Variants in FAM193A observed in about 807,000 individuals in gnomAD.
FAM193A encodes the protein protein FAM193A.
FAM193A carries 22 observed loss-of-function variants against 126.5 expected under a neutral mutation model. The observed-to-expected ratio is 0.17, with a 90% CI of 0.12 to 0.25. The LOEUF is 0.25. Ranked by LOEUF, FAM193A falls within the 10% of genes least tolerant of loss-of-function variation. The pLI is 1.00. For missense variants in FAM193A, 1,675 were observed against 1,672.8 expected (o/e 1.00, Z -0.02); for synonymous variants, 761 against 646.8 (o/e 1.18, Z -2.68).
intron 5 of FAM193A, 95 bp from the exon 6 acceptor site, chr4:2,639,640 G>A: frequency 1.1e-6 from 1 of 923,508 alleles, no homozygotes; most frequent in South Asian, 1.6e-5. Context: ...CGTGGTGGGG[G>A]GAAATGGGGA....
chr4:2,603,158 A>G (rs1301023234), intron 2 of FAM193A, among the ~76,000 whole-genome samples: 5 of 144,834 alleles, frequency 3.5e-5, no homozygotes, highest in Admixed American at 2.1e-4. Flanking sequence ...ATATATATGT[A>G]TATATATATA....
At chr4:2,618,632 G>C (rs1464866975) in intron 2 of FAM193A, among the ~76,000 whole-genome samples, 2 of 111,528 alleles carry the variant, frequency 1.8e-5, no homozygotes, top group African/African-American at 7.0e-5. Context: ...TTTTGCTCTT[G>C]TTGCCCAGGC....
chr4:2,601,744 A>C (rs2108920325), intron 2 of FAM193A, among the ~76,000 whole-genome samples: 1 of 152,190 alleles, frequency 6.6e-6, no homozygotes, highest in Admixed American at 6.5e-5. Context: ...AAAAATTATA[A>C]ACCAAAAAAA....
intron 1 of FAM193A, among the ~76,000 whole-genome samples, chr4:2,565,007 C>T (rs1335702219): frequency 6.6e-6 from 1 of 152,052 alleles, no homozygotes; most frequent in Non-Finnish European, 1.5e-5. Flanking sequence ...CTGTGTTACC[C>T]AGGCTGGTCT....
At chr4:2,679,506 A>G (rs767846859) in intron 13 of FAM193A, among the ~76,000 whole-genome samples, 16 of 149,270 alleles carry the variant, frequency 1.1e-4, no homozygotes, top group Non-Finnish European at 1.9e-4. Context: ...CAGCCTCCAG[A>G]GTAGCTGGGA....
chr4:2,560,690 C>T (rs1276996369), intron 1 of FAM193A, among the ~76,000 whole-genome samples: 2 of 152,192 alleles, frequency 1.3e-5, no homozygotes, highest in Non-Finnish European at 2.9e-5. Context: ...AGTACGTTAT[C>T]TTGAGGCTTC....
At chr4:2,571,301 C>G (rs917066562) in intron 1 of FAM193A, among the ~76,000 whole-genome samples, 1 of 152,138 alleles carries the variant, frequency 6.6e-6, no homozygotes, top group Non-Finnish European at 1.5e-5. Context: ...ATTATCCATT[C>G]TGAGCCCTGG....
chr4:2,581,258 T>TC (rs1340257332), intron 1 of FAM193A, among the ~76,000 whole-genome samples: 6 of 149,232 alleles, frequency 4.0e-5, no homozygotes, highest in Admixed American at 6.6e-5. Flanking sequence ...TTTCTTTCTT[T>TC]TTTTTTTTTT....
At chr4:2,660,669 C>T (rs189968737) in intron 10 of FAM193A, among the ~76,000 whole-genome samples, 28 of 152,358 alleles carry the variant, frequency 1.8e-4, no homozygotes, top group African/African-American at 6.3e-4. Context: ...GTAGAGCACA[C>T]AGGCATCATG....
chr4:2,724,814 A>C (rs919598824), intron 20 of FAM193A, among the ~76,000 whole-genome samples: 3 of 152,224 alleles, frequency 2.0e-5, no homozygotes, highest in Non-Finnish European at 4.4e-5. Flanking sequence ...GAGAAAGTGC[A>C]TATCGTTATC....
At chr4:2,726,949 C>G (rs1053030550) in intron 20 of FAM193A, among the ~76,000 whole-genome samples, 4 of 89,140 alleles carry the variant, frequency 4.5e-5, no homozygotes, top group Admixed American at 1.5e-4. Flanking sequence ...AAACTCCGTC[C>G]CAAAAAAAAA....
intron 5 of FAM193A, among the ~76,000 whole-genome samples, chr4:2,632,037 G>T (rs1482077710): frequency 6.6e-6 from 1 of 150,696 alleles, no homozygotes; most frequent in Non-Finnish European, 1.5e-5. Context: ...ATTTCTCATG[G>T]TTAGGAAGGC....
chr4:2,693,294 A>G lies in FAM193A; in HGVS notation c.2804-292A>G, dbSNP rs1716618351. Among the ~76,000 whole-genome samples the G allele has an allele frequency of 2.0e-5, 3 of 152,138 alleles. No individual in the cohort carries two copies. The South Asian group carries it at 6.2e-4, about 32-fold the overall frequency. On this transcript the variant is annotated intron_variant, in intron 15 of 20. Coordinates refer to ENST00000637812, the MANE Select transcript of FAM193A (RefSeq NM_001366318.2). The stretch of plus-strand genomic sequence containing the variant: ...CGGCCTCCCAAAGTGCTGGGATTAC[A>G]GGCATGAGCCACCACGCCCGGCCAA...
rs189994562 is a variant in FAM193A at position 2,711,068 on chromosome 4, G to A, written c.4373-4955G>A. 8.0e-3 allele frequency among the ~76,000 whole-genome samples: 1,198 copies of A among 150,258 alleles called. 24 individuals are homozygous for A. The highest frequency in any genetic ancestry group is 0.028 in the African/African-American group (1,149 of 40,894). ...GGGGTTTCACCATGTTAGCCAGGAT[G>A]GTCTCGATCTCCTGACCTTGTGATC... On this transcript the variant is annotated intron_variant, in intron 19 of 20. Coordinates refer to ENST00000637812, the MANE Select transcript of FAM193A (RefSeq NM_001366318.2).
At position 2,662,889 on chromosome 4, in the gene FAM193A, T is replaced by G; in HGVS notation, c.1797T>G (p.Ile599Met). Residue 599 changes from isoleucine (I) to methionine (M), a missense_variant, in exon 11 of 21, where the codon ATT (isoleucine) becomes ATG (methionine). Around this residue, in one of 4 missense-constraint regions of FAM193A, gnomAD observed 1,186 missense variants for 1,109.2 expected, o/e 1.07. Coordinates refer to ENST00000637812, the MANE Select transcript of FAM193A (RefSeq NM_001366318.2). Reference sequence around the variant, plus strand: ...CATTGTCAGCCAAATTTGCTGATATTTATCCATTGAGTAATTATGATGATA... The same window carrying G: ...CATTGTCAGCCAAATTTGCTGATATGTATCCATTGAGTAATTATGATGATA... ...VAPLSAKFAD[I>M]YPLSNYDDTE... 1 of 1,612,886 alleles carries G rather than the reference T, an allele frequency of 6.2e-7. No individual in the cohort carries two copies. The highest frequency in any genetic ancestry group is 2.2e-5 in the East Asian group (1 of 44,822).
intron 1 of FAM193A, among the ~76,000 whole-genome samples, chr4:2,545,786 G>A (rs1025667312): frequency 2.0e-5 from 3 of 152,156 alleles, no homozygotes; most frequent in Non-Finnish European, 4.4e-5. Context: ...TGCTCAAGCA[G>A]TGCTCCCACC....
intron 2 of FAM193A, among the ~76,000 whole-genome samples, chr4:2,611,121 G>T (rs1199682164): frequency 1.3e-5 from 2 of 152,136 alleles, no homozygotes; most frequent in Admixed American, 1.3e-4. Flanking sequence ...TAGGGTAAGT[G>T]CTTATACTGT....
chr4:2,677,968 A>G (rs1355844388), intron 13 of FAM193A, among the ~76,000 whole-genome samples: 1 of 151,828 alleles, frequency 6.6e-6, no homozygotes, highest in East Asian at 1.9e-4. Context: ...TGTTTTTTTA[A>G]TTTCTTAGAG....
At chr4:2,593,696 T>A (rs952020403) in intron 1 of FAM193A, among the ~76,000 whole-genome samples, 1 of 152,156 alleles carries the variant, frequency 6.6e-6, no homozygotes, top group African/African-American at 2.4e-5. Context: ...CTCTTAACAT[T>A]ATGATTTTAG....
Sources: allele counts gnomAD v4.1 joint callset (sites outside exome capture counted in the v4.1 genomes callset), GRCh38; gene constraint gnomAD v4.1.1; regional missense constraint gnomAD v4.1.1; transcripts MANE v1.5; gene names NCBI Gene and HGNC (gene_info 2026-07-23, HGNC 2026-07-21).